AREL1: variants seen among roughly 807,000 people sequenced by gnomAD.
AREL1 encodes the protein apoptosis-resistant E3 ubiquitin protein ligase 1.
In AREL1, 62 loss-of-function variants were observed where a neutral mutation model predicts 99.0. That is an observed-to-expected ratio of 0.63 (90% confidence interval 0.51 to 0.77). The LOEUF (loss-of-function observed/expected upper bound fraction) is 0.77, where lower values mean the gene tolerates loss of function less well. AREL1 is among the 30% of genes least tolerant of loss of function. AREL1 has a pLI of 0.00. For synonymous variants in AREL1, 380 were observed against 376.5 expected (o/e 1.01, Z -0.11); for missense variants, 879 against 1,027.6 (o/e 0.86, Z 1.98).
In AREL1 at chr14:74,703,916, G is replaced by A. The variant is rs577527242; in HGVS notation, c.-334+9017C>T. Among the ~76,000 whole-genome samples, 25 of 152,292 alleles carry A rather than the reference G, an allele frequency of 1.6e-4. No homozygotes were observed. In the South Asian group the frequency reaches 1.7e-3, roughly 10 times the overall value. Reference sequence around the variant, plus strand: ...TTAACTTACAAGAAACTGCCAAACCGTTTACCAAAGCGGCTGGACCACTTT... The same window carrying A: ...TTAACTTACAAGAAACTGCCAAACCATTTACCAAAGCGGCTGGACCACTTT... On this transcript the variant is annotated intron_variant, in intron 1 of 19. Coordinates refer to ENST00000356357, the MANE Select transcript of AREL1 (RefSeq NM_001039479.2).
At chr14:74,701,251 G>A (rs1479234636) in intron 1 of AREL1, among the ~76,000 whole-genome samples, 1 of 151,924 alleles carries the variant, frequency 6.6e-6, no homozygotes, top group African/African-American at 2.4e-5. Context: ...AGGAGGCAAA[G>A]CAAACATGAA....
At chr14:74,677,499 CCTTTT>C (rs1167741505) in intron 5 of AREL1, among the ~76,000 whole-genome samples, 1 of 127,386 alleles carries the variant, frequency 7.9e-6, no homozygotes, top group East Asian at 2.4e-4. Context: ...CTGTCTCTCT[CCTTTT>C]TTTTTTTTTT....
chr14:74,702,300 T>C (rs932237753), intron 1 of AREL1, among the ~76,000 whole-genome samples: 1 of 152,192 alleles, frequency 6.6e-6, no homozygotes, highest in African/African-American at 2.4e-5. Context: ...TTCAGGAGTT[T>C]CCATACATCC....
At chr14:74,688,006 T>C (rs2089784138) in intron 2 of AREL1, among the ~76,000 whole-genome samples, 1 of 148,610 alleles carries the variant, frequency 6.7e-6, no homozygotes, top group African/African-American at 2.5e-5. Flanking sequence ...GTCCAACAAA[T>C]ACTGAGTACT....
rs114719078 is a variant in AREL1 at position 74,688,774 on chromosome 14, A to G, written c.-45-3114T>C. Among the ~76,000 whole-genome samples, 1,239 of 152,232 alleles carry G rather than the reference A, an allele frequency of 8.1e-3. 12 individuals are homozygous for G. The highest frequency in any genetic ancestry group is 0.028 in the African/African-American group (1,163 of 41,524). On this transcript the variant is annotated intron_variant, in intron 2 of 19. Transcript: ENST00000356357. ...CACATTCTGAATTTGCCTTCGTTCT[A>G]CAAATTCCCCCTTTCTGGTTCCTCC...
At chr14:74,688,861 G>C (rs1400708843) in intron 2 of AREL1, among the ~76,000 whole-genome samples, 4 of 151,622 alleles carry the variant, frequency 2.6e-5, no homozygotes, top group Non-Finnish European at 5.9e-5. Context: ...TTTTGAGACA[G>C]AGTCTTGCTC....
Position 74,683,377 on chromosome 14 carries a change from T to C in AREL1, c.400A>G (p.Lys134Glu). 2 of 1,614,118 alleles carry C rather than the reference T, an allele frequency of 1.2e-6. No individual in the cohort carries two copies. Among genetic ancestry groups the C allele is most frequent in the Non-Finnish European group, 1.7e-6 (2 of 1,180,024 alleles). ...NVVKVAFTVR[K>E]AGRYEITVKL... ...ACTGTGATTTCATAACGCCCAGCCT[T>C]GCGCACAGTGAAGGCCACTTTTACT... The change falls in exon 5 of 20, where the codon AAG becomes GAG. Residue 134 changes from lysine to glutamate, a missense_variant. Coordinates refer to ENST00000356357, the MANE Select transcript of AREL1 (RefSeq NM_001039479.2).
intron 9 of AREL1, 146 bp downstream of exon 9, chr14:74,673,888 T>TA (rs978933758): frequency 3.3e-6 from 2 of 601,576 alleles, no homozygotes; most frequent in African/African-American, 3.7e-5. Context: ...AGTGAGGAGA[T>TA]AATGATGCTT....
At chr14:74,690,264 C>CAAAAAAAAAAAAAAAAAAAAAAAAAA (rs5809676) in intron 2 of AREL1, among the ~76,000 whole-genome samples, 1 of 73,126 alleles carries the variant, frequency 1.4e-5, no homozygotes, top group Non-Finnish European at 2.5e-5. Flanking sequence ...ACCCTGTCTC[C>CAAAAAAAAAAAAAAAAAAAAAAAAAA]AAAAAAAAAA....
intron 2 of AREL1, among the ~76,000 whole-genome samples, chr14:74,690,307 T>C (rs1477941350): frequency 6.7e-6 from 1 of 148,806 alleles, no homozygotes; most frequent in Non-Finnish European, 1.5e-5. Flanking sequence ...ACCAACATAA[T>C]TGCATATAGT....
chr14:74,685,784 C>G (rs2089735733), intron 2 of AREL1, 124 bp from the exon 3 acceptor site: 2 of 742,826 alleles, frequency 2.7e-6, no homozygotes, highest in Admixed American at 5.8e-5. Flanking sequence ...CCTTACTATT[C>G]CTATCCTCTT....
intron 5 of AREL1, among the ~76,000 whole-genome samples, chr14:74,677,014 T>C (rs1349733958): frequency 6.6e-6 from 1 of 151,934 alleles, no homozygotes; most frequent in Non-Finnish European, 1.5e-5. Flanking sequence ...TTAGCCAGGA[T>C]AGTCTCGATC....
At chr14:74,695,374 C>T (rs1334799523) in intron 1 of AREL1, among the ~76,000 whole-genome samples, 1 of 152,102 alleles carries the variant, frequency 6.6e-6, no homozygotes, top group Non-Finnish European at 1.5e-5. Flanking sequence ...GCCACCACAC[C>T]CAGCCTGAAC....
At chr14:74,676,449 A>G (rs1449143669) in intron 6 of AREL1, 128 bp from the exon 7 acceptor site, 1 of 1,409,100 alleles carries the variant, frequency 7.1e-7, no homozygotes, top group Non-Finnish European at 9.7e-7. Flanking sequence ...TGAGACAGGT[A>G]TTGTCAGATG....
Position 74,663,604 on chromosome 14 carries a change from C to G in AREL1, c.*116G>C. On this transcript the variant is annotated 3_prime_UTR_variant, in exon 20 of 20. Transcript: ENST00000356357. ...ACAAAATCCTCCAGACACAGGGGAG[C>G]ATGCGGCATCTTCTGGCTGATGGTT... 1 of 1,049,076 alleles carries G rather than the reference C, an allele frequency of 9.5e-7. No homozygotes were observed. The highest frequency in any genetic ancestry group is 1.5e-6 in the Non-Finnish European group (1 of 676,674). 65.0% of individuals were successfully genotyped at this position (1,049,076 alleles called of 1,614,324 possible).
At chr14:74,701,002 C>T (rs961674521) in intron 1 of AREL1, among the ~76,000 whole-genome samples, 8 of 152,122 alleles carry the variant, frequency 5.3e-5, no homozygotes, top group Non-Finnish European at 1.0e-4. Context: ...AGTAGCTATA[C>T]ACTGGCCACA....
At position 74,670,774 on chromosome 14, in the gene AREL1, G is replaced by A; in HGVS notation, c.1596C>T (p.Asn532=). ...TNQLFTRFSD[N]NQALVHPNPN... Reference sequence around the variant, plus strand: ...GTCACCAACTCACTAATGCTTGGTTGTTGTCACTGAACCGGGTGAAGAGCT... The same window carrying A: ...GTCACCAACTCACTAATGCTTGGTTATTGTCACTGAACCGGGTGAAGAGCT... Residue 532 remains asparagine, a synonymous_variant, in exon 13 of 20, where the codon AAC becomes AAT. Coordinates refer to ENST00000356357, the MANE Select transcript of AREL1 (RefSeq NM_001039479.2). 1 of 1,614,038 alleles carries A rather than the reference G, an allele frequency of 6.2e-7. No individual in the cohort carries two copies. Among genetic ancestry groups the A allele is most frequent in the South Asian group, 1.1e-5 (1 of 91,070 alleles).
chr14:74,685,644 G>A lies in AREL1; in HGVS notation c.-29C>T, dbSNP rs118188765. ...GTCCCGTCAATGCCAACAGACAGCC[G>A]AGGATCACAGCTGCAGCTGTTAAAA... On this transcript the variant is annotated 5_prime_UTR_variant, in exon 3 of 20. Coordinates refer to ENST00000356357, the MANE Select transcript of AREL1 (RefSeq NM_001039479.2). 11,670 of 1,614,048 alleles carry A rather than the reference G, an allele frequency of 7.2e-3. 119 individuals are homozygous for A. Among genetic ancestry groups the A allele is most frequent in the South Asian group, 0.03 (2,716 of 91,072 alleles).
Position 74,683,077 on chromosome 14 carries a change from C to T in AREL1, c.481+219G>A, listed in dbSNP as rs139832284. On this transcript the variant is annotated intron_variant, in intron 5 of 19. Transcript: ENST00000356357. ...GATTTGGGGGAAAAGTGACTACTAA[C>T]ATGTATGGGGTTTCTTTTTGAGGTG... 1.9e-3 allele frequency among the ~76,000 whole-genome samples: 291 copies of T among 152,222 alleles called. 1 individual carries two copies. Among genetic ancestry groups the T allele is most frequent in the African/African-American group, 6.8e-3 (284 of 41,550 alleles).
Sources: allele counts gnomAD v4.1 joint callset (sites outside exome capture counted in the v4.1 genomes callset), GRCh38; gene constraint gnomAD v4.1.1; transcripts MANE v1.5; gene names NCBI Gene and HGNC (gene_info 2026-07-23, HGNC 2026-07-21).